Variants in RTN4 observed in about 807,000 individuals in gnomAD.
RTN4 encodes reticulon 4, also known as reticulon-4.
RTN4 carries 32 observed loss-of-function variants against 90.4 expected under a neutral mutation model. The observed-to-expected ratio is 0.35, with a 90% CI of 0.27 to 0.48. RTN4 has a LOEUF of 0.48. Ranked by LOEUF, RTN4 falls within the 20% of genes least tolerant of loss-of-function variation. RTN4 has a pLI of 0.99. For synonymous variants in RTN4, 629 were observed against 552.5 expected, an observed-to-expected ratio of 1.14 and a Z score of -1.94; for missense variants, 1,706 against 1,430.2, an observed-to-expected ratio of 1.19 and a Z score of -3.11.
intron 5 of RTN4, among the ~76,000 whole-genome samples, chr2:54,977,406 G>GTTTTTTTTTTTTTTT (rs34777052): frequency 6.8e-6 from 1 of 146,112 alleles, no homozygotes; most frequent in Non-Finnish European, 1.5e-5. Flanking sequence ...AGCTCAGGCC[G>GTTTTTTTTTTTTTTT]TTTTTTTTTT....
chr2:55,032,086 CT>C (rs879879506), intron 1 of RTN4, among the ~76,000 whole-genome samples: 76 of 146,236 alleles, frequency 5.2e-4, no homozygotes, highest in Middle Eastern at 3.6e-3. Context: ...TGGATTCGCA[CT>C]TTTTTTTTTT....
At chr2:55,084,170 A>G (rs1668792754) in intron 1 of RTN4, among the ~76,000 whole-genome samples, 1 of 152,190 alleles carries the variant, frequency 6.6e-6, no homozygotes. Context: ...TACGGGGTTC[A>G]GAGAGCTTCC....
intron 5 of RTN4, among the ~76,000 whole-genome samples, chr2:54,978,467 T>C (rs1364599701): frequency 6.7e-6 from 1 of 148,378 alleles, no homozygotes; most frequent in Non-Finnish European, 1.5e-5. Context: ...CTAGTGATAA[T>C]TGTGACCCAG....
chr2:55,120,776 C>T, the RTN4 span, among the ~76,000 whole-genome samples: 2 of 151,992 alleles, frequency 1.3e-5, no homozygotes, highest in Non-Finnish European at 2.9e-5. Context: ...GTGTGGGAGG[C>T]GACTGTCAGC....
chr2:55,063,399 G>C (rs1203566498), intron 2 of RTN4, among the ~76,000 whole-genome samples: 1 of 152,106 alleles, frequency 6.6e-6, no homozygotes, highest in Non-Finnish European at 1.5e-5. Context: ...AAGTAGAAAG[G>C]GCTTGCTTGG....
chr2:55,105,198 T>C (rs1667921866), intron 1 of RTN4, among the ~76,000 whole-genome samples: 1 of 141,180 alleles, frequency 7.1e-6, no homozygotes, highest in Non-Finnish European at 1.5e-5. Flanking sequence ...GAATTACTCA[T>C]TGCCTTCCCC....
intron 1 of RTN4, among the ~76,000 whole-genome samples, chr2:55,084,792 G>A (rs1479398224): frequency 6.6e-6 from 1 of 152,098 alleles, no homozygotes; most frequent in Non-Finnish European, 1.5e-5. Flanking sequence ...CATCTGTGTT[G>A]TTGCTGTTTT....
intron 3 of RTN4, among the ~76,000 whole-genome samples, chr2:54,993,075 G>GAAAAAAA (rs61127530): frequency 1.5e-5 from 1 of 64,664 alleles, no homozygotes; most frequent in African/African-American, 4.8e-5. Context: ...CTCCATCTCG[G>GAAAAAAA]AAAAAAAAAA....
At chr2:55,006,776 T>C (rs1179835607) in intron 3 of RTN4, among the ~76,000 whole-genome samples, 1 of 152,156 alleles carries the variant, frequency 6.6e-6, no homozygotes, top group African/African-American at 2.4e-5. Context: ...AGTATTTAAT[T>C]GCCCATTCCT....
chr2:55,088,072 A>T (rs1322180302), intron 1 of RTN4, among the ~76,000 whole-genome samples: 1 of 152,198 alleles, frequency 6.6e-6, no homozygotes, highest in East Asian at 1.9e-4. Flanking sequence ...ATGTCAGAAG[A>T]CCCTGAGGAA....
intron 3 of RTN4, among the ~76,000 whole-genome samples, chr2:55,023,448 T>C (rs532336866): frequency 6.6e-6 from 1 of 152,064 alleles, no homozygotes; most frequent in South Asian, 2.1e-4. Flanking sequence ...ATCAAATAAT[T>C]CCCTCAACTT....
chr2:55,082,830 A>G (rs17046658), intron 1 of RTN4, among the ~76,000 whole-genome samples: 14,029 of 152,184 alleles, frequency 0.092, 800 homozygotes, highest in South Asian at 0.19. Flanking sequence ...AAGTAGTATC[A>G]CCCATATCTC....
chr2:55,083,644 T>C (rs1161084912), intron 1 of RTN4, among the ~76,000 whole-genome samples: 1 of 152,130 alleles, frequency 6.6e-6, no homozygotes, highest in East Asian at 1.9e-4. Context: ...TAATACAAAA[T>C]TAAGGGAAAC....
At chr2:54,985,343 G>C (rs1406831363) in intron 4 of RTN4, among the ~76,000 whole-genome samples, 1 of 151,600 alleles carries the variant, frequency 6.6e-6, no homozygotes, top group African/African-American at 2.4e-5. Context: ...ATTTTTTGTA[G>C]AGATGGGAGT....
At chr2:54,991,367 A>T (rs1296072401) in intron 3 of RTN4, among the ~76,000 whole-genome samples, 1 of 152,228 alleles carries the variant, frequency 6.6e-6, no homozygotes, top group East Asian at 1.9e-4. Flanking sequence ...GTGACTATAT[A>T]TGAATTATTT....
At chr2:54,976,891 T>G (rs1029947415) in intron 5 of RTN4, among the ~76,000 whole-genome samples, 1 of 152,242 alleles carries the variant, frequency 6.6e-6, no homozygotes, top group Non-Finnish European at 1.5e-5. Context: ...GGTCAAAGCT[T>G]ATCTCTCCAT....
Position 54,974,783 on chromosome 2 carries a change from AG to A in RTN4, c.3361-20del. On this transcript the variant is annotated intron_variant, in intron 5 of 8. Transcript: ENST00000337526. ...CTGCAAACTATAAGAAAATAACATT[AG>A]CCCATTATAAACAAAATTCAAGTAA... 1 of 1,602,572 alleles carries A rather than the reference AG, an allele frequency of 6.2e-7. No individual in the cohort carries two copies. Among genetic ancestry groups the A allele is most frequent in the Non-Finnish European group, 8.5e-7 (1 of 1,171,246 alleles).
rs199659586 is a variant in RTN4, at chr2:55,026,067, T to G, written c.2032A>C (p.Lys678Gln). ...KKVSGIKEEI[K>Q]EPENINAALQ... ...GCTGCATTAATATTTTCAGGCTCTT[T>G]AATTTCTTCCTTTATTCCTGATACT... is the stretch of plus-strand genomic sequence containing the variant. Residue 678 changes from lysine to glutamine, a missense_variant, in exon 3 of 9, where the codon AAA (lysine) becomes CAA (glutamine). Coordinates refer to ENST00000337526, the MANE Select transcript of RTN4 (RefSeq NM_020532.5). The G allele has an allele frequency of 1.9e-6, 3 of 1,610,638 alleles. No individual in the cohort carries two copies. Among genetic ancestry groups the G allele is most frequent in the Non-Finnish European group, 2.5e-6 (3 of 1,179,172 alleles).
chr2:55,119,366 A>T, the RTN4 span, among the ~76,000 whole-genome samples: 626 of 152,266 alleles, frequency 4.1e-3, 4 homozygotes, highest in Middle Eastern at 0.014. Flanking sequence ...GGATAGGGTG[A>T]ATTTCTTAAA....
Sources: gnomAD v4.1 joint callset for allele counts (sites outside exome capture counted in the v4.1 genomes callset) on GRCh38, gnomAD v4.1.1 for gene constraint, MANE v1.5 for transcripts, NCBI Gene and HGNC (gene_info 2026-07-23, HGNC 2026-07-21) for gene names.